The following ARHGAP39 variants were observed in gnomAD, a reference collection of about 807,000 sequenced individuals.
The protein encoded by ARHGAP39 is rho GTPase-activating protein 39.
ARHGAP39 carries 44 observed loss-of-function variants against 106.9 expected under a neutral mutation model. That is an observed-to-expected ratio of 0.41 (90% CI 0.32 to 0.53). The LOEUF is 0.53. Ranked by LOEUF, ARHGAP39 falls within the 20% of genes least tolerant of loss-of-function variation. The pLI is 0.21. For missense variants in ARHGAP39, 1,496 were observed against 1,577.3 expected, an observed-to-expected ratio of 0.95 and a Z score of 0.87; for synonymous variants, 768 against 693.2, an observed-to-expected ratio of 1.11 and a Z score of -1.69.
At chr8:144,551,064 A>T (rs1817671014) in intron 4 of ARHGAP39, among the ~76,000 whole-genome samples, 1 of 152,220 alleles carries the variant, frequency 6.6e-6, no homozygotes, top group Non-Finnish European at 1.5e-5. Flanking sequence ...AGTTTTGCAT[A>T]TCTGTGACTC....
intron 3 of ARHGAP39, among the ~76,000 whole-genome samples, chr8:144,566,197 C>T (rs925896136): frequency 3.3e-5 from 5 of 152,136 alleles, no homozygotes; most frequent in African/African-American, 1.2e-4. Flanking sequence ...CGAACCCCAG[C>T]ACAAGGAACA....
the ARHGAP39 span, among the ~76,000 whole-genome samples, chr8:144,700,186 G>A: frequency 6.6e-6 from 1 of 152,186 alleles, no homozygotes; most frequent in Admixed American, 6.5e-5. The surrounding 1 kb of genome is among the most constrained non-coding windows in gnomAD (Gnocchi z 5.6). Context: ...GAGATCCCAG[G>A]CTGTACTCTG....
Position 144,547,449 on chromosome 8 carries a change from G to C in ARHGAP39, c.1637C>G (p.Ala546Gly), listed in dbSNP as rs1269720659. 4.5e-6 allele frequency: 7 copies of C among 1,565,718 alleles called. No individual in the cohort carries two copies. Among genetic ancestry groups the C allele is most frequent in the Non-Finnish European group, 6.0e-6 (7 of 1,162,650 alleles). ...VKRAEGEAEGARGAAEPFLAQ... is the reference protein window; with the variant it reads ...VKRAEGEAEGGRGAAEPFLAQ... ...CAGGAAGGGCTCGGCCGCGCCCCGC[G>C]CCCCTTCGGCCTCACCTTCCGCTCG... The change falls in exon 5 of 12, where the codon GCG becomes GGG. Residue 546 changes from alanine to glycine, a missense_variant. By Grantham distance (60) the Ala-to-Gly change is moderately conservative. Transcript: ENST00000377307. The surrounding 1 kb of genome is among the most constrained non-coding windows in gnomAD (Gnocchi z 5.2).
chr8:144,535,846 G>A (rs1816932820), intron 7 of ARHGAP39, among the ~76,000 whole-genome samples: 1 of 152,238 alleles, frequency 6.6e-6, no homozygotes, highest in African/African-American at 2.4e-5. Flanking sequence ...TCCTCTGTAG[G>A]ATGGGGACTG....
At chr8:144,534,289 G>A (rs1816863742) in intron 7 of ARHGAP39, 87 bp from the exon 8 acceptor site, 1 of 1,471,234 alleles carries the variant, frequency 6.8e-7, no homozygotes, top group Admixed American at 1.7e-5. Flanking sequence ...CTCCTTCGAG[G>A]GCCCTGGGGG....
intron 1 of ARHGAP39, among the ~76,000 whole-genome samples, chr8:144,668,920 C>T (rs1366927669): frequency 2.0e-5 from 3 of 152,158 alleles, no homozygotes; most frequent in African/African-American, 4.8e-5. Context: ...TGAAACTTCT[C>T]ACAAAGCTAC....
rs1816626580 is a variant in ARHGAP39 at position 144,530,347 on chromosome 8, C to T, written c.*75G>A. On this transcript the variant is annotated 3_prime_UTR_variant, in exon 12 of 12. Coordinates refer to ENST00000377307, the MANE Select transcript of ARHGAP39 (RefSeq NM_025251.3). Reference sequence around the variant, plus strand: ...GCTGGGCCGGGCGATTCTGGCCCCTCTGCCGGGAGAGCGAGTGCGGAGTTC... The same window carrying T: ...GCTGGGCCGGGCGATTCTGGCCCCTTTGCCGGGAGAGCGAGTGCGGAGTTC... 12 of 1,474,702 alleles carry T rather than the reference C, an allele frequency of 8.1e-6. No individual in the cohort carries two copies. The highest frequency in any genetic ancestry group is 1.1e-5 in the Non-Finnish European group (12 of 1,094,362). 91.4% of individuals were successfully genotyped at this position (1,474,702 alleles called of 1,614,324 possible).
At chr8:144,562,988 A>G (rs1244623459) in intron 3 of ARHGAP39, among the ~76,000 whole-genome samples, 5 of 152,274 alleles carry the variant, frequency 3.3e-5, no homozygotes, top group African/African-American at 9.6e-5. Context: ...TGACCAAAGA[A>G]TTAGCCTCTA....
intron 2 of ARHGAP39, among the ~76,000 whole-genome samples, chr8:144,602,631 G>A (rs1820069475): frequency 2.0e-5 from 2 of 100,826 alleles, no homozygotes; most frequent in South Asian, 4.1e-4. Flanking sequence ...TGTGCGTGGA[G>A]GCGTGTGTGT....
intron 1 of ARHGAP39, among the ~76,000 whole-genome samples, chr8:144,662,678 T>C (rs1821860983): frequency 6.8e-6 from 1 of 147,478 alleles, no homozygotes; most frequent in Non-Finnish European, 1.5e-5. Flanking sequence ...TTATCCGCTT[T>C]GGACTGCTCC....
rs946671359 is a variant in ARHGAP39, at chr8:144,643,381, A to G, written c.-81-37686T>C. On this transcript the variant is annotated intron_variant, in intron 1 of 11. Transcript: ENST00000377307. Reference sequence around the variant, plus strand: ...AGTGGGAGGACTGCTTGAGCCCGGGAGGCAGAGGTTGCAGTGAGCTGTGAT... The same window carrying G: ...AGTGGGAGGACTGCTTGAGCCCGGGGGGCAGAGGTTGCAGTGAGCTGTGAT... 2.0e-5 allele frequency among the ~76,000 whole-genome samples: 3 copies of G among 152,146 alleles called. No homozygotes were observed. The South Asian group carries it at 6.2e-4, about 32-fold the overall frequency.
At chr8:144,643,928 GA>G (rs1269987409) in intron 1 of ARHGAP39, among the ~76,000 whole-genome samples, 1 of 151,918 alleles carries the variant, frequency 6.6e-6, no homozygotes, top group Non-Finnish European at 1.5e-5. Context: ...TTAAAAGGGA[GA>G]AAAAAAATAA....
At chr8:144,695,795 C>A in the ARHGAP39 span, among the ~76,000 whole-genome samples, 3 of 152,268 alleles carry the variant, frequency 2.0e-5, no homozygotes, top group African/African-American at 7.2e-5. Flanking sequence ...AGGTGATAGA[C>A]GCGGGTCGTT....
At chr8:144,682,554 A>T (rs1822454562) in intron 1 of ARHGAP39, among the ~76,000 whole-genome samples, 1 of 151,122 alleles carries the variant, frequency 6.6e-6, no homozygotes, top group Non-Finnish European at 1.5e-5. Context: ...GTCTCAAAAA[A>T]AAAAAAAAAA....
chr8:144,674,782 A>G (rs529955495), intron 1 of ARHGAP39, among the ~76,000 whole-genome samples: 2 of 152,308 alleles, frequency 1.3e-5, no homozygotes, highest in East Asian at 3.9e-4. Context: ...CGGCACCCAA[A>G]GTCCGAAGGC....
intron 3 of ARHGAP39, among the ~76,000 whole-genome samples, chr8:144,573,913 C>T (rs563302572): frequency 6.6e-6 from 1 of 152,244 alleles, no homozygotes; most frequent in African/African-American, 2.4e-5. Flanking sequence ...TGGCTCATGC[C>T]TATAATCCCA....
At chr8:144,554,231 T>C (rs902686925) in intron 4 of ARHGAP39, among the ~76,000 whole-genome samples, 6 of 151,992 alleles carry the variant, frequency 3.9e-5, no homozygotes, top group African/African-American at 1.5e-4. Context: ...GGCGGCTCCA[T>C]GGGGCTGAAG....
intron 1 of ARHGAP39, among the ~76,000 whole-genome samples, chr8:144,631,138 C>T (rs1821052025): frequency 6.6e-6 from 1 of 152,218 alleles, no homozygotes; most frequent in African/African-American, 2.4e-5. Context: ...AGAGCCAGAG[C>T]TCACTCATCG....
At chr8:144,686,577 G>A (rs1201198637), upstream of ARHGAP39, among the ~76,000 whole-genome samples, 1 of 152,182 alleles carries the variant, frequency 6.6e-6, no homozygotes, top group Admixed American at 6.5e-5. Context: ...AGGGCTGAAA[G>A]GCCCCCGTCA....
Sources: allele counts gnomAD v4.1 joint callset (sites outside exome capture counted in the v4.1 genomes callset), GRCh38; gene constraint gnomAD v4.1.1; non-coding constraint Gnocchi (gnomAD v3.1); transcripts MANE v1.5; gene names NCBI Gene and HGNC (gene_info 2026-07-23, HGNC 2026-07-21).